Variants in MYL7 observed in about 807,000 individuals in gnomAD.
MYL7 encodes myosin regulatory light chain 2, atrial isoform.
MYL7 carries 27 observed loss-of-function variants against 22.5 expected under a neutral mutation model. That is an observed-to-expected ratio of 1.20 (90% CI 0.89 to 1.66). The LOEUF (loss-of-function observed/expected upper bound fraction) is 1.66, where lower values mean the gene tolerates loss of function less well. Ranked by LOEUF, MYL7 falls within the 40% of genes most tolerant of loss-of-function variation. MYL7 has a pLI of 0.00. For missense variants in MYL7, 209 were observed against 226.8 expected (o/e 0.92, Z 0.50); for synonymous variants, 81 against 84.4 (o/e 0.96, Z 0.22).
At chr7:44,140,471 T>G (rs1234552210) in intron 3 of MYL7, 44 bp from the exon 4 acceptor site, 8 of 1,406,586 alleles carry the variant, frequency 5.7e-6, no homozygotes, top group Admixed American at 4.5e-5. Flanking sequence ...ACCCTGGGTG[T>G]CCCCCAGAAG....
rs773977622 is a variant in MYL7 at position 44,140,336 on chromosome 7, C to G, written c.285G>C (p.Gly95=). 1 of 1,613,936 alleles carries G rather than the reference C, an allele frequency of 6.2e-7. No homozygotes were observed. The highest frequency in any genetic ancestry group is 8.5e-7 in the Non-Finnish European group (1 of 1,179,968). Residue 95 remains glycine, a synonymous_variant, in exon 4 of 7, where the codon GGG becomes GGC. Transcript: ENST00000223364. The part of the protein sequence containing the change: ...INFTVFLTLF[G]EKLNGTDPEE... ...TCCCAGGCTCACCATTGAGCTTCTC[C>G]CCAAAGAGCGTGAGGAAGACGGTGA...
At chr7:44,140,838 T>TG (rs1288013483) in intron 2 of MYL7, 51 bp from the exon 3 acceptor site, 20 of 1,332,138 alleles carry the variant, frequency 1.5e-5, no homozygotes, top group Non-Finnish European at 1.7e-5. Flanking sequence ...CTAGGGAAGG[T>TG]GGGAGGTGGG....
At chr7:44,140,674 G>A (rs762854029) in intron 3 of MYL7, 38 bp downstream of exon 3, 1 of 1,563,172 alleles carries the variant, frequency 6.4e-7, no homozygotes, top group Non-Finnish European at 8.7e-7. Flanking sequence ...CTCAGAGTAG[G>A]GACCCCAGTG....
chr7:44,139,373 C>G, intron 6 of MYL7, 148 bp downstream of exon 6: 1 of 907,054 alleles, frequency 1.1e-6, no homozygotes, highest in Non-Finnish European at 1.8e-6. Context: ...TCTTTACCCT[C>G]TAGGTCTCAA....
intron 3 of MYL7, 93 bp from the exon 4 acceptor site, chr7:44,140,520 G>A: frequency 1.6e-6 from 2 of 1,273,038 alleles, no homozygotes; most frequent in Non-Finnish European, 2.2e-6. Context: ...CACAGGGGCT[G>A]GAGGGGCAGA....
chr7:44,140,212 G>T, intron 4 of MYL7, 111 bp downstream of exon 4: 1 of 878,736 alleles, frequency 1.1e-6, no homozygotes, highest in South Asian at 1.5e-5. Context: ...TTAGGGTTCA[G>T]GTGGGGTTCA....
chr7:44,139,759 C>T (rs912634290), intron 5 of MYL7, 23 bp downstream of exon 5: 11 of 1,611,766 alleles, frequency 6.8e-6, no homozygotes, highest in Non-Finnish European at 9.3e-6. Flanking sequence ...CGGTGCTCCT[C>T]ATCTGGCTGG....
rs1043837841 is a variant in MYL7 at position 44,139,040 on chromosome 7, G to A, written c.427-18C>T. On this transcript the variant is annotated intron_variant, in intron 6 of 6. Transcript: ENST00000223364. The stretch of plus-strand genomic sequence containing the variant: ...TGCTCCACCTGCAGGGGACACTGGT[G>A]AGTGGCAGTCCCCTGGCTCCTGGCC... 2.4e-5 allele frequency: 39 copies of A among 1,602,990 alleles called. No homozygotes were observed. Among genetic ancestry groups the A allele is most frequent in the Non-Finnish European group, 3.1e-5 (36 of 1,170,184 alleles).
intron 1 of MYL7, 112 bp downstream of exon 1, chr7:44,141,191 C>T (rs2096265250): frequency 1.9e-6 from 3 of 1,585,936 alleles, no homozygotes; most frequent in East Asian, 4.5e-5. Context: ...GATCCTCTTC[C>T]TCTCCCTGGG....
At position 44,141,080 on chromosome 7, in the gene MYL7, A is replaced by G. The variant is rs756286868; in HGVS notation, c.4-6T>C. ...GTCCCCGCCTTCCTGCTGGCCTGCA[A>G]CACTGTGAGTAGGGAGGGGTCCTCT... On this transcript the variant is annotated splice_region_variant and splice_polypyrimidine_tract_variant and intron_variant, in intron 1 of 6. Coordinates refer to ENST00000223364, the MANE Select transcript of MYL7 (RefSeq NM_021223.3). 1.1e-5 allele frequency: 17 copies of G among 1,613,564 alleles called. No individual in the cohort carries two copies. In the South Asian group the frequency reaches 1.6e-4, roughly 16 times the overall value.
At chr7:44,140,056 G>A (rs1449381601) in intron 4 of MYL7, among the ~76,000 whole-genome samples, 196 bp from the exon 5 acceptor site, 1 of 152,180 alleles carries the variant, frequency 6.6e-6, no homozygotes, top group Non-Finnish European at 1.5e-5. Context: ...CTGGGAGACT[G>A]GAATTTGGGG....
chr7:44,141,254 G>C, intron 1 of MYL7, 49 bp downstream of exon 1: 1 of 1,613,996 alleles, frequency 6.2e-7, no homozygotes, highest in Non-Finnish European at 8.5e-7. Context: ...CCAGCCCAAA[G>C]GCCAGCACCT....
rs2096264826 is a variant in MYL7, at chr7:44,140,955, A to G, written c.117+6T>C. 6.2e-7 allele frequency: 1 copy of G among 1,612,246 alleles called. No homozygotes were observed. The highest frequency in any genetic ancestry group is 2.2e-5 in the East Asian group (1 of 44,818). On this transcript the variant is annotated splice_donor_region_variant and intron_variant, in intron 2 of 6. Coordinates refer to ENST00000223364, the MANE Select transcript of MYL7 (RefSeq NM_021223.3). Reference sequence around the variant, plus strand: ...GGATCTGAGGCTACTGGGAGTGGGCACTCACTTCTTTGAACTCCTGTATCT... The same window carrying G: ...GGATCTGAGGCTACTGGGAGTGGGCGCTCACTTCTTTGAACTCCTGTATCT...
chr7:44,141,088 A>T lies in MYL7; in HGVS notation c.4-14T>A. 1.2e-6 allele frequency: 2 copies of T among 1,613,120 alleles called. No homozygotes were observed. The highest frequency in any genetic ancestry group is 8.5e-7 in the Non-Finnish European group (1 of 1,179,240). On this transcript the variant is annotated splice_polypyrimidine_tract_variant and intron_variant, in intron 1 of 6. Coordinates refer to ENST00000223364, the MANE Select transcript of MYL7 (RefSeq NM_021223.3). ...CTTCCTGCTGGCCTGCAACACTGTG[A>T]GTAGGGAGGGGTCCTCTCCCCAACT...
chr7:44,140,801 G>T lies in MYL7; in HGVS notation c.118-14C>A, dbSNP rs1315432449. On this transcript the variant is annotated splice_polypyrimidine_tract_variant and intron_variant, in intron 2 of 6. Transcript: ENST00000223364. ...ACAGCTGAAGGCCTGTGGGATGGGG[G>T]CCTTCAGGTGGGAGCAGCCCCCAGC... 1.2e-6 allele frequency: 2 copies of T among 1,612,142 alleles called. No individual in the cohort carries two copies. The highest frequency in any genetic ancestry group is 1.3e-5 in the African/African-American group (1 of 74,736).
At position 44,140,568 on chromosome 7, in the gene MYL7, C is replaced by G. The variant is rs889459368; in HGVS notation, c.194-141G>C. 5.3e-6 allele frequency: 6 copies of G among 1,131,806 alleles called. No individual in the cohort carries two copies. The South Asian group carries it at 7.4e-5, about 14-fold the overall frequency. 70.1% of individuals were successfully genotyped at this position (1,131,806 alleles called of 1,614,324 possible). A position where few individuals can be genotyped will look rare whatever the true frequency, so the allele number is the denominator to read the frequency against. On this transcript the variant is annotated intron_variant, in intron 3 of 6. Coordinates refer to ENST00000223364, the MANE Select transcript of MYL7 (RefSeq NM_021223.3). The stretch of plus-strand genomic sequence containing the variant: ...TCGGGAAGGTGAAGTGGAAGCAAGG[C>G]GTGACAAGGGGGGAAGGGCAGTGTG...
chr7:44,139,317 A>G, intron 6 of MYL7: 1 of 715,490 alleles, frequency 1.4e-6, no homozygotes, highest in Non-Finnish European at 2.5e-6. Flanking sequence ...AGGTCTGTGC[A>G]CAGTCTCCCT....
Position 44,140,312 on chromosome 7 carries a change from C to G in MYL7, c.298+11G>C. On this transcript the variant is annotated intron_variant, in intron 4 of 6. Coordinates refer to ENST00000223364, the MANE Select transcript of MYL7 (RefSeq NM_021223.3). ...CCTGGCCAAGGGTGCCCAGCTCTGT[C>G]CCAGGCTCACCATTGAGCTTCTCCC... 1 of 1,612,270 alleles carries G rather than the reference C, an allele frequency of 6.2e-7. No individual in the cohort carries two copies. The highest frequency in any genetic ancestry group is 8.5e-7 in the Non-Finnish European group (1 of 1,178,540).
intron 6 of MYL7, 33 bp downstream of exon 6, chr7:44,139,488 G>A (rs1562706382): frequency 3.1e-6 from 5 of 1,611,874 alleles, no homozygotes; most frequent in Non-Finnish European, 4.2e-6. Flanking sequence ...GAAGGTGCTG[G>A]GGATGAGTAT....
Sources: allele counts gnomAD v4.1 joint callset (sites outside exome capture counted in the v4.1 genomes callset), GRCh38; gene constraint gnomAD v4.1.1; transcripts MANE v1.5; gene names NCBI Gene and HGNC (gene_info 2026-07-23, HGNC 2026-07-21).